The following ABLIM2 variants were observed in gnomAD, a reference collection of about 807,000 sequenced individuals.
ABLIM2 encodes actin binding LIM protein family member 2, also known as actin-binding LIM protein 2.
In ABLIM2, 53 loss-of-function variants were observed where a neutral mutation model predicts 97.7. The observed-to-expected ratio is 0.54, with a 90% CI of 0.44 to 0.68. The LOEUF (loss-of-function observed/expected upper bound fraction) is 0.68. ABLIM2 is among the 30% of genes least tolerant of loss of function. The pLI, the probability that ABLIM2 is intolerant of heterozygous loss-of-function variation, is 0.00. For synonymous variants in ABLIM2, 361 were observed against 345.8 expected, an observed-to-expected ratio of 1.04 and a Z score of -0.49; for missense variants, 835 against 867.2, an observed-to-expected ratio of 0.96 and a Z score of 0.47.
chr4:8,155,705 A>G lies in ABLIM2; in HGVS notation c.10+2975T>C, dbSNP rs986206157. ...AGGTCATGAGGGTAGGCTCTAACCA[A>G]GTCTGGCTGGGGTTTTCATAAGAAC... On this transcript the variant is annotated intron_variant, in intron 1 of 20. Coordinates refer to ENST00000447017, the MANE Select transcript of ABLIM2 (RefSeq NM_001130083.2). The surrounding 1 kb of genome is among the most constrained non-coding windows in gnomAD (Gnocchi z 4.2). Among the ~76,000 whole-genome samples, 1 of 152,218 alleles carries G rather than the reference A, an allele frequency of 6.6e-6. No homozygotes were observed. Among genetic ancestry groups the G allele is most frequent in the African/African-American group, 2.4e-5 (1 of 41,458 alleles).
At chr4:7,976,852 C>T (rs1316483737) in intron 20 of ABLIM2, among the ~76,000 whole-genome samples, 1 of 152,044 alleles carries the variant, frequency 6.6e-6, no homozygotes, top group Non-Finnish European at 1.5e-5. Flanking sequence ...CACATATACA[C>T]ACATACACGT....
intron 2 of ABLIM2, 140 bp from the exon 3 acceptor site, chr4:8,097,422 T>C: frequency 1.0e-5 from 11 of 1,081,864 alleles, no homozygotes; most frequent in Non-Finnish European, 1.3e-5. Context: ...TGGGGTGGCT[T>C]GCTCAACTCT....
intron 1 of ABLIM2, among the ~76,000 whole-genome samples, chr4:8,153,467 A>G (rs534440647): frequency 8.7e-4 from 132 of 152,292 alleles, no homozygotes; most frequent in Admixed American, 2.7e-3. Context: ...GAGACTGCCA[A>G]TGCCTGGGCA....
At chr4:8,146,396 C>T (rs1037956878) in intron 1 of ABLIM2, among the ~76,000 whole-genome samples, 3 of 152,222 alleles carry the variant, frequency 2.0e-5, no homozygotes, top group Admixed American at 6.5e-5. Context: ...AGAATCCAGC[C>T]GTCACCTACA....
At chr4:8,000,549 T>C (rs1253522640) in intron 16 of ABLIM2, among the ~76,000 whole-genome samples, 1 of 152,066 alleles carries the variant, frequency 6.6e-6, no homozygotes, top group Non-Finnish European at 1.5e-5. Context: ...GAATTGTGGG[T>C]GGAGCAGCAC....
intron 20 of ABLIM2, 101 bp from the exon 21 acceptor site, chr4:7,967,204 A>T: frequency 1.0e-6 from 1 of 963,800 alleles, no homozygotes; most frequent in Non-Finnish European, 1.6e-6. Flanking sequence ...GCAGGATTGC[A>T]TTGAGGATGG....
intron 1 of ABLIM2, among the ~76,000 whole-genome samples, chr4:8,157,679 C>T (rs1715820388): frequency 6.6e-6 from 1 of 152,266 alleles, no homozygotes; most frequent in South Asian, 2.1e-4. Flanking sequence ...CGGCTGTCCC[C>T]ATTGGTTTCT....
chr4:8,076,624 C>A (rs1164659758), intron 6 of ABLIM2, among the ~76,000 whole-genome samples: 2 of 151,840 alleles, frequency 1.3e-5, no homozygotes, highest in Admixed American at 6.6e-5. Context: ...ATTCTCGAGA[C>A]CCCCCTGGTC....
chr4:8,124,023 G>A lies in ABLIM2; in HGVS notation c.11-17386C>T, dbSNP rs1846676444. 6.6e-6 allele frequency among the ~76,000 whole-genome samples: 1 copy of A among 152,118 alleles called. No individual in the cohort carries two copies. The highest frequency in any genetic ancestry group is 2.4e-5 in the African/African-American group (1 of 41,418). On this transcript the variant is annotated intron_variant, in intron 1 of 20. Transcript: ENST00000447017. The surrounding 1 kb of genome is among the most constrained non-coding windows in gnomAD (Gnocchi z 6.1). ...TCCCCTGCTTCCCTTTTACTGAGACGACCACTCTTAACAGCTCAGCGGCTG... is the reference window on the plus strand; with the variant it reads ...TCCCCTGCTTCCCTTTTACTGAGACAACCACTCTTAACAGCTCAGCGGCTG...
At chr4:8,016,998 T>TA (rs1376285936) in intron 14 of ABLIM2, among the ~76,000 whole-genome samples, 1 of 152,240 alleles carries the variant, frequency 6.6e-6, no homozygotes, top group South Asian at 2.1e-4. Flanking sequence ...TATTTGGAGA[T>TA]ACTTCTCTCC....
chr4:8,110,352 G>A (rs941400515), intron 1 of ABLIM2, among the ~76,000 whole-genome samples: 7 of 152,202 alleles, frequency 4.6e-5, no homozygotes, highest in Non-Finnish European at 1.0e-4. Context: ...GGGACAGCGC[G>A]GGTGGTGGGG....
intron 17 of ABLIM2, chr4:7,989,377 C>T: frequency 1.0e-6 from 1 of 984,342 alleles, no homozygotes; most frequent in Non-Finnish European, 1.2e-6. Flanking sequence ...CTTTGCCTGG[C>T]CCCATTTGTT....
intron 9 of ABLIM2, chr4:8,041,551 T>C (rs531422716): frequency 6.6e-6 from 1 of 150,730 alleles, no homozygotes; most frequent in Non-Finnish European, 1.5e-5. Flanking sequence ...GCTCACTGCA[T>C]GCACACACAG....
intron 14 of ABLIM2, among the ~76,000 whole-genome samples, chr4:8,013,767 C>T (rs1416637036): frequency 1.3e-5 from 2 of 152,190 alleles, no homozygotes; most frequent in Non-Finnish European, 2.9e-5. Flanking sequence ...TCCACTTTCC[C>T]ACGGAGCAGC....
intron 1 of ABLIM2, among the ~76,000 whole-genome samples, chr4:8,156,204 C>A (rs1365079748): frequency 6.7e-6 from 1 of 149,126 alleles, no homozygotes; most frequent in East Asian, 2.0e-4. Flanking sequence ...CCACCCCCTG[C>A]CCCAGCTCAG....
In ABLIM2 at chr4:8,003,947, T is replaced by A. The variant is rs900984195; in HGVS notation, c.1618+4112A>T. The stretch of plus-strand genomic sequence containing the variant: ...AGCCTGAGGCCAGGTGCCCTGCCCG[T>A]CCCACCAGATATCCTCACGAGATTG... On this transcript the variant is annotated intron_variant, in intron 16 of 20. Transcript: ENST00000447017. The surrounding 1 kb of genome is among the most constrained non-coding windows in gnomAD (Gnocchi z 4.2). Among the ~76,000 whole-genome samples the A allele has an allele frequency of 9.9e-5, 15 of 152,078 alleles. No homozygotes were observed. The highest frequency in any genetic ancestry group is 3.4e-4 in the African/African-American group (14 of 41,424).
chr4:7,974,749 TCATCCATCTATC>T (rs1731596438), intron 20 of ABLIM2, among the ~76,000 whole-genome samples: 1 of 151,558 alleles, frequency 6.6e-6, no homozygotes, highest in African/African-American at 2.4e-5. Flanking sequence ...ATGCATCCAC[TCATCCATCTATC>T]CATCCATCTA....
chr4:8,051,814 G>A lies in ABLIM2; in HGVS notation c.822+2374C>T, dbSNP rs201548680. 1.6e-4 allele frequency among the ~76,000 whole-genome samples: 24 copies of A among 152,212 alleles called. No individual in the cohort carries two copies. The East Asian group carries it at 2.3e-3, about 15-fold the overall frequency. On this transcript the variant is annotated intron_variant, in intron 8 of 20. Transcript: ENST00000447017. ...CCACATGTATGTGGAACATCAGGGCGCCCTGCATTTGCATATTAAAAGACT... is the reference window on the plus strand; with the variant it reads ...CCACATGTATGTGGAACATCAGGGCACCCTGCATTTGCATATTAAAAGACT...
At chr4:8,086,764 TAC>T (rs1823956405) in intron 4 of ABLIM2, among the ~76,000 whole-genome samples, 1 of 152,020 alleles carries the variant, frequency 6.6e-6, no homozygotes, top group African/African-American at 2.4e-5. Flanking sequence ...ATTATAACAG[TAC>T]TACTGTTTGT....
Sources: gnomAD v4.1 joint callset for allele counts (sites outside exome capture counted in the v4.1 genomes callset) on GRCh38, gnomAD v4.1.1 for gene constraint, Gnocchi (gnomAD v3.1) non-coding constraint, MANE v1.5 for transcripts, NCBI Gene and HGNC (gene_info 2026-07-23, HGNC 2026-07-21) for gene names.